Variants in LGR4 observed in about 807,000 individuals in gnomAD.
LGR4 encodes the protein leucine rich repeat containing G protein-coupled receptor 4.
LGR4 carries 44 observed loss-of-function variants against 84.8 expected under a neutral mutation model. That is an observed-to-expected ratio of 0.52 (90% CI 0.41 to 0.67). The LOEUF is 0.67. LGR4 is among the 30% of genes least tolerant of loss of function. The pLI is 0.00. For synonymous variants in LGR4, 429 were observed against 434.3 expected, an observed-to-expected ratio of 0.99 and a Z score of 0.15; for missense variants, 1,032 against 1,131.4, an observed-to-expected ratio of 0.91 and a Z score of 1.26.
chr11:27,433,667 G>A (rs1382407930), intron 1 of LGR4, among the ~76,000 whole-genome samples: 1 of 152,128 alleles, frequency 6.6e-6, no homozygotes, highest in Non-Finnish European at 1.5e-5. Context: ...GAACTAAACA[G>A]AAAGGCAAAA....
chr11:27,383,015 C>CAA (rs559264022), intron 6 of LGR4, among the ~76,000 whole-genome samples: 1 of 150,630 alleles, frequency 6.6e-6, no homozygotes, highest in East Asian at 1.9e-4. Context: ...GACTCTGTCT[C>CAA]AAAAAAAATA....
At chr11:27,370,821 C>T (rs1862868958) in intron 17 of LGR4, among the ~76,000 whole-genome samples, 1 of 152,062 alleles carries the variant, frequency 6.6e-6, no homozygotes. Context: ...CAAGCTGCAC[C>T]CCAACCTTTA....
intron 2 of LGR4, among the ~76,000 whole-genome samples, chr11:27,400,725 G>C (rs553904185): frequency 3.3e-5 from 5 of 152,030 alleles, no homozygotes; most frequent in African/African-American, 9.7e-5. Flanking sequence ...CTGGTCTCCT[G>C]ACCTCAAATG....
chr11:27,458,830 T>C (rs1224987913), intron 1 of LGR4, among the ~76,000 whole-genome samples: 4 of 152,244 alleles, frequency 2.6e-5, no homozygotes, highest in African/African-American at 7.2e-5. Context: ...TGAGTTACCA[T>C]GCCGGGCCTT....
chr11:27,452,249 T>C (rs1257157867), intron 1 of LGR4, among the ~76,000 whole-genome samples: 1 of 152,192 alleles, frequency 6.6e-6, no homozygotes, highest in African/African-American at 2.4e-5. Context: ...ATGTTTGTTG[T>C]TGTTATTTTA....
chr11:27,381,724 CA>C (rs1863098425), intron 7 of LGR4, among the ~76,000 whole-genome samples: 1 of 151,702 alleles, frequency 6.6e-6, no homozygotes, highest in Non-Finnish European at 1.5e-5. Flanking sequence ...AAAATAAAAA[CA>C]AAAATGCTCC....
chr11:27,468,391 T>C (rs1177454844), intron 1 of LGR4, among the ~76,000 whole-genome samples: 1 of 152,192 alleles, frequency 6.6e-6, no homozygotes, highest in Non-Finnish European at 1.5e-5. Flanking sequence ...CCAGGGCTAT[T>C]CTACCCTAGC....
intron 1 of LGR4, among the ~76,000 whole-genome samples, chr11:27,427,104 G>A (rs115875614): frequency 0.014 from 2,141 of 152,228 alleles, 53 homozygotes; most frequent in African/African-American, 0.049. Flanking sequence ...AGTGGTGCTT[G>A]GAGAAGTTTA....
chr11:27,435,163 C>G (rs1196034928), intron 1 of LGR4, among the ~76,000 whole-genome samples: 3 of 151,974 alleles, frequency 2.0e-5, no homozygotes, highest in Non-Finnish European at 4.4e-5. Context: ...GGTGAAAACC[C>G]ATGTCTACTA....
rs192443113 is a variant in LGR4, at chr11:27,427,097, G to C, written c.186-14237C>G. ...TCTCTTCTTGCTTATTAATAATAGTGGTGCTTGGAGAAGTTTAATAAATTT... is the reference window on the plus strand; with the variant it reads ...TCTCTTCTTGCTTATTAATAATAGTCGTGCTTGGAGAAGTTTAATAAATTT... On this transcript the variant is annotated intron_variant, in intron 1 of 17. Coordinates refer to ENST00000379214, the MANE Select transcript of LGR4 (RefSeq NM_018490.5). Among the ~76,000 whole-genome samples, 60 of 152,198 alleles carry C rather than the reference G, an allele frequency of 3.9e-4. 1 individual carries two copies. The East Asian group carries it at 0.01, about 26-fold the overall frequency.
intron 1 of LGR4, among the ~76,000 whole-genome samples, chr11:27,470,434 T>C (rs1401237094): frequency 1.3e-5 from 2 of 152,216 alleles, no homozygotes; most frequent in Non-Finnish European, 2.9e-5. Flanking sequence ...TTACTACTGG[T>C]CAAAATAGTA....
intron 1 of LGR4, among the ~76,000 whole-genome samples, chr11:27,427,284 T>C (rs1864039271): frequency 6.6e-6 from 1 of 152,084 alleles, no homozygotes; most frequent in Non-Finnish European, 1.5e-5. Context: ...TTCCCTCTGA[T>C]CTTAAGGGGA....
rs566398874 is a variant in LGR4 at position 27,414,961 on chromosome 11, A to C, written c.186-2101T>G. On this transcript the variant is annotated intron_variant, in intron 1 of 17. Transcript: ENST00000379214. Reference sequence around the variant, plus strand: ...TGGAGGAGTCTACCTTTTCAGATAAAAACAGATGAGATTCATTTTATAGAA... The same window carrying C: ...TGGAGGAGTCTACCTTTTCAGATAACAACAGATGAGATTCATTTTATAGAA... Among the ~76,000 whole-genome samples, 66 of 152,266 alleles carry C rather than the reference A, an allele frequency of 4.3e-4. 1 individual carries two copies. The South Asian group carries it at 0.014, about 32-fold the overall frequency.
intron 1 of LGR4, among the ~76,000 whole-genome samples, chr11:27,436,657 T>C (rs1441290734): frequency 1.3e-5 from 2 of 152,172 alleles, no homozygotes; most frequent in Non-Finnish European, 2.9e-5. Context: ...AAATAAATCA[T>C]GATAGCAGTA....
rs541112083 is a variant in LGR4 at position 27,376,181 on chromosome 11, G to T, written c.1181+118C>A. On this transcript the variant is annotated intron_variant, in intron 13 of 17. Transcript: ENST00000379214. ...AGTAGAGATGGGGTTTCACCACGTT[G>T]TTCAGGCTGAAATTAAAATTATATC... 6.0e-6 allele frequency: 4 copies of T among 665,732 alleles called. No homozygotes were observed. In the Admixed American group the frequency reaches 8.0e-5, roughly 13 times the overall value. 41.2% of individuals were successfully genotyped at this position (665,732 alleles called of 1,614,324 possible). A position where few individuals can be genotyped will look rare whatever the true frequency, so the allele number is the denominator to read the frequency against.
chr11:27,410,865 C>T (rs553536454), intron 2 of LGR4, among the ~76,000 whole-genome samples: 12 of 152,158 alleles, frequency 7.9e-5, no homozygotes, highest in African/African-American at 2.9e-4. Flanking sequence ...AATCAGCAGT[C>T]AAATTCAATT....
Position 27,472,627 on chromosome 11 carries a change from A to C in LGR4, c.-325T>G. ...CGGTCTCCCTGTCCCTGGCCTCTCA[A>C]TGCAGCGGCTCTTCAAGGTTGCAGA... is the stretch of plus-strand genomic sequence containing the variant. On this transcript the variant is annotated 5_prime_UTR_variant, in exon 1 of 18. Coordinates refer to ENST00000379214, the MANE Select transcript of LGR4 (RefSeq NM_018490.5). The C allele has an allele frequency of 5.6e-6, 2 of 357,552 alleles. No homozygotes were observed. The highest frequency in any genetic ancestry group is 5.0e-6 in the Non-Finnish European group (1 of 199,630). 22.1% of individuals were successfully genotyped at this position (357,552 alleles called of 1,614,324 possible).
At chr11:27,460,479 C>T (rs1000993653) in intron 1 of LGR4, among the ~76,000 whole-genome samples, 3 of 152,200 alleles carry the variant, frequency 2.0e-5, no homozygotes, top group African/African-American at 7.2e-5. Context: ...CTCACGCATA[C>T]ACAAATGTCC....
intron 4 of LGR4, among the ~76,000 whole-genome samples, chr11:27,389,432 G>T (rs1863241911): frequency 6.6e-6 from 1 of 152,028 alleles, no homozygotes; most frequent in Non-Finnish European, 1.5e-5. Flanking sequence ...ACATGAAAGA[G>T]AAACCTATGA....
Sources: allele counts gnomAD v4.1 joint callset (sites outside exome capture counted in the v4.1 genomes callset), GRCh38; gene constraint gnomAD v4.1.1; transcripts MANE v1.5; gene names NCBI Gene and HGNC (gene_info 2026-07-23, HGNC 2026-07-21).